Variants in MERTK observed in about 807,000 individuals in gnomAD.
MERTK encodes tyrosine-protein kinase Mer.
In MERTK, 69 loss-of-function variants were observed where a neutral mutation model predicts 99.3. That is an observed-to-expected ratio of 0.70 (90% CI 0.57 to 0.85). The LOEUF (loss-of-function observed/expected upper bound fraction) is 0.85, where lower values mean the gene tolerates loss of function less well. Ranked by LOEUF, MERTK falls within the 40% of genes least tolerant of loss-of-function variation. The pLI, the probability that MERTK is intolerant of heterozygous loss-of-function variation, is 0.00. For missense variants in MERTK, 1,125 were observed against 1,249.4 expected (o/e 0.90, Z 1.50); for synonymous variants, 426 against 467.6 (o/e 0.91, Z 1.15).
At chr2:111,959,841 G>A (rs933248601) in intron 4 of MERTK, among the ~76,000 whole-genome samples, 1 of 152,124 alleles carries the variant, frequency 6.6e-6, no homozygotes, top group South Asian at 2.1e-4. Flanking sequence ...CAGAGTTCTT[G>A]TTTATGTGGG....
intron 4 of MERTK, among the ~76,000 whole-genome samples, chr2:111,950,794 T>C (rs1280885242): frequency 6.6e-6 from 1 of 152,202 alleles, no homozygotes; most frequent in Non-Finnish European, 1.5e-5. Context: ...TGACAATGTT[T>C]ACACAAAAAT....
chr2:111,992,763 A>G (rs1356180554), intron 8 of MERTK, among the ~76,000 whole-genome samples: 3 of 148,294 alleles, frequency 2.0e-5, no homozygotes, highest in Admixed American at 1.3e-4. Flanking sequence ...AAAAAAAAAA[A>G]AAAGAAAGAA....
chr2:111,941,745 T>C (rs1254557505), intron 2 of MERTK, among the ~76,000 whole-genome samples: 1 of 152,158 alleles, frequency 6.6e-6, no homozygotes, highest in Admixed American at 6.5e-5. Flanking sequence ...ATAGGTGGCA[T>C]GGGTCAGGCC....
intron 8 of MERTK, among the ~76,000 whole-genome samples, chr2:111,992,771 GA>G (rs1676652816): frequency 6.9e-6 from 1 of 145,600 alleles, no homozygotes; most frequent in Non-Finnish European, 1.5e-5. Flanking sequence ...AAAAAAGAAA[GA>G]AAAAAGAAAA....
At chr2:111,940,257 G>A in intron 2 of MERTK, 1 of 380,942 alleles carries the variant, frequency 2.6e-6, no homozygotes. Context: ...GTTCCCAATT[G>A]TACTAAATAG....
intron 1 of MERTK, among the ~76,000 whole-genome samples, chr2:111,918,327 T>G (rs1039258944): frequency 6.6e-6 from 1 of 152,240 alleles, no homozygotes; most frequent in Non-Finnish European, 1.5e-5. Context: ...AATTGTTTTT[T>G]CCTTAAGGAT....
Position 112,028,816 on chromosome 2 carries a change from A to C in MERTK, c.2952A>C (p.Glu984Asp). ...CCTTGGGAAGCTCATTGCCCGATGA[A>C]CTTTTGTTTGCTGACGACTCCTCAG... ...MLPLGSSLPD[E>D]LLFADDSSEG... Residue 984 changes from glutamate (E) to aspartate (D), a missense_variant, in exon 19 of 19, where the codon GAA (glutamate) becomes GAC (aspartate). Glu to Asp is a conservative substitution (Grantham distance 45). Coordinates refer to ENST00000295408, the MANE Select transcript of MERTK (RefSeq NM_006343.3). The C allele has an allele frequency of 1.2e-6, 2 of 1,614,028 alleles. No homozygotes were observed. The highest frequency in any genetic ancestry group is 1.7e-6 in the Non-Finnish European group (2 of 1,180,002).
At chr2:111,898,839 C>T in intron 1 of MERTK, 43 bp downstream of exon 1, 1 of 1,553,252 alleles carries the variant, frequency 6.4e-7, no homozygotes, top group Non-Finnish European at 8.7e-7. Flanking sequence ...GGTGGGGGCT[C>T]CCAGGAGGAA....
chr2:112,026,467 A>G (rs1443899717), intron 18 of MERTK, among the ~76,000 whole-genome samples: 1 of 152,166 alleles, frequency 6.6e-6, no homozygotes, highest in East Asian at 1.9e-4. Flanking sequence ...GCAAACAATC[A>G]AGGCTGTTTG....
rs1381595159 is a variant in MERTK at position 112,001,216 on chromosome 2, G to A, written c.1620G>A (p.Glu540=). The stretch of plus-strand genomic sequence containing the variant: ...ATTCACCCAGGAATGCATTCACAGA[G>A]GAGGATTCTGAATTAGTGGTGAATT... The part of the protein sequence containing the change: ...QETKFGNAFT[E]EDSELVVNYI... The change falls in exon 11 of 19, where the codon GAG becomes GAA. Residue 540 remains glutamate (E), a synonymous_variant. Transcript: ENST00000295408. 1.2e-6 allele frequency: 2 copies of A among 1,613,080 alleles called. No homozygotes were observed. Among genetic ancestry groups the A allele is most frequent in the Non-Finnish European group, 1.7e-6 (2 of 1,179,162 alleles).
chr2:111,910,038 A>G (rs763370701), intron 1 of MERTK, among the ~76,000 whole-genome samples: 2 of 152,216 alleles, frequency 1.3e-5, no homozygotes, highest in African/African-American at 2.4e-5. Context: ...GTGTCCATCA[A>G]CGGATGAATG....
intron 4 of MERTK, among the ~76,000 whole-genome samples, chr2:111,959,745 T>C (rs1685210597): frequency 6.6e-6 from 1 of 152,202 alleles, no homozygotes. Flanking sequence ...TCCTCCTGCC[T>C]CAGCCTCCTG....
chr2:111,991,351 G>A (rs565356794), intron 8 of MERTK, among the ~76,000 whole-genome samples: 18 of 152,142 alleles, frequency 1.2e-4, no homozygotes, highest in African/African-American at 3.9e-4. Context: ...TCAGCCACCC[G>A]AGTAGCTGGG....
At chr2:112,012,758 T>C (rs1326209784) in intron 15 of MERTK, among the ~76,000 whole-genome samples, 1 of 152,120 alleles carries the variant, frequency 6.6e-6, no homozygotes, top group Non-Finnish European at 1.5e-5. Flanking sequence ...AGGTGACTGA[T>C]AGAGTTACAG....
At chr2:112,016,449 C>A (rs1022817992) in intron 15 of MERTK, among the ~76,000 whole-genome samples, 5 of 152,192 alleles carry the variant, frequency 3.3e-5, no homozygotes, top group African/African-American at 7.2e-5. Flanking sequence ...TTATTCAGAT[C>A]TTTTCTTTGC....
intron 1 of MERTK, among the ~76,000 whole-genome samples, chr2:111,909,279 A>G (rs1270386014): frequency 1.3e-5 from 2 of 152,176 alleles, no homozygotes; most frequent in Non-Finnish European, 2.9e-5. Flanking sequence ...ATTAAAAGCT[A>G]ATAGAGCCGG....
In MERTK at chr2:111,929,459, G is replaced by A. The variant is rs767366160; in HGVS notation, c.401G>A (p.Gly134Glu). 3.0e-5 allele frequency: 48 copies of A among 1,613,894 alleles called. 1 individual carries two copies. In the South Asian group the frequency reaches 5.1e-4, roughly 17 times the overall value. The change falls in exon 2 of 19, where the codon GGG becomes GAG. Residue 134 changes from glycine to glutamate, a missense_variant. Gly to Glu is a moderately conservative substitution (Grantham distance 98). Coordinates refer to ENST00000295408, the MANE Select transcript of MERTK (RefSeq NM_006343.3). Reference protein sequence around the residue: ...QDTTISWWKDGKELLGAHHAI... With the variant: ...QDTTISWWKDEKELLGAHHAI... ...ACCACAATTTCTTGGTGGAAAGATG[G>A]GAAGGAATTGCTTGGGGCACATCAT...
intron 5 of MERTK, 50 bp downstream of exon 5, chr2:111,965,327 G>T (rs1332362952): frequency 1.3e-6 from 2 of 1,579,316 alleles, no homozygotes; most frequent in Non-Finnish European, 1.7e-6. Context: ...GCTGGTGAGG[G>T]TACAGCATGA....
intron 17 of MERTK, 30 bp downstream of exon 17, chr2:112,021,611 C>A: frequency 6.3e-7 from 1 of 1,583,882 alleles, no homozygotes; most frequent in Non-Finnish European, 8.7e-7. Context: ...TCAGGGGTCC[C>A]ACAGCACAAA....
Sources: gnomAD v4.1 joint callset for allele counts (sites outside exome capture counted in the v4.1 genomes callset) on GRCh38, gnomAD v4.1.1 for gene constraint, MANE v1.5 for transcripts, NCBI Gene and HGNC (gene_info 2026-07-23, HGNC 2026-07-21) for gene names.